DOK6: variants seen among roughly 807,000 people sequenced by gnomAD.
DOK6 encodes docking protein 6.
A neutral mutation model predicts 44.0 loss-of-function variants in DOK6; 22 were observed. The observed-to-expected ratio is 0.50, with a 90% CI of 0.36 to 0.71. The LOEUF (loss-of-function observed/expected upper bound fraction) is 0.71, where lower values mean the gene tolerates loss of function less well. Among genes scored for constraint, DOK6 ranks in the 30% least tolerant of loss-of-function variants. The probability of loss-of-function intolerance (pLI) is 0.00; values close to 1 mark genes in which losing one functional copy is unlikely to be tolerated. For synonymous variants in DOK6, 166 were observed against 145.5 expected, an observed-to-expected ratio of 1.14 and a Z score of -1.01; for missense variants, 340 against 416.4, an observed-to-expected ratio of 0.82 and a Z score of 1.60.
intron 7 of DOK6, among the ~76,000 whole-genome samples, chr18:69,777,006 G>GGGGGAGA (rs1599320021): frequency 8.2e-6 from 1 of 122,494 alleles, no homozygotes; most frequent in South Asian, 3.3e-4. Context: ...TTGTTGGGTG[G>GGGGGAGA]GGGGAGGGAT....
Position 69,739,107 on chromosome 18 carries a change from AG to A in DOK6, c.738+6del. ...AGAAATGGAACAGAAGGCCCGGGTA[AG>A]GCCCCTTCCTTGGTAACCTATCAGC... On this transcript the variant is annotated splice_donor_5th_base_variant and intron_variant, in intron 6 of 7. Coordinates refer to ENST00000382713, the MANE Select transcript of DOK6 (RefSeq NM_152721.6). The A allele has an allele frequency of 1.1e-5, 18 of 1,613,802 alleles. No individual in the cohort carries two copies. Among genetic ancestry groups the A allele is most frequent in the Non-Finnish European group, 1.5e-5 (18 of 1,179,768 alleles).
chr18:69,509,461 C>T (rs899046293), intron 1 of DOK6, among the ~76,000 whole-genome samples: 2 of 151,826 alleles, frequency 1.3e-5, no homozygotes, highest in Non-Finnish European at 2.9e-5. Flanking sequence ...CATGGTGAAA[C>T]CCCGTCTCTA....
At chr18:69,449,568 G>T (rs1979396928) in intron 1 of DOK6, among the ~76,000 whole-genome samples, 1 of 152,198 alleles carries the variant, frequency 6.6e-6, no homozygotes, top group Non-Finnish European at 1.5e-5. Flanking sequence ...GAAGCTCAAG[G>T]AGGCCTGCCT....
At chr18:69,495,694 C>G (rs567812462) in intron 1 of DOK6, among the ~76,000 whole-genome samples, 1 of 152,326 alleles carries the variant, frequency 6.6e-6, no homozygotes, top group South Asian at 2.1e-4. Context: ...TTGGACATCC[C>G]GTTCTGCCCA....
intron 6 of DOK6, among the ~76,000 whole-genome samples, chr18:69,745,312 C>G (rs931205071): frequency 2.6e-5 from 4 of 151,950 alleles, no homozygotes; most frequent in African/African-American, 9.7e-5. Context: ...TGGAACTGAA[C>G]AATATAAAGA....
chr18:69,601,205 C>T (rs919351961), intron 3 of DOK6, among the ~76,000 whole-genome samples: 2 of 152,156 alleles, frequency 1.3e-5, no homozygotes, highest in South Asian at 2.1e-4. Context: ...ATCCTGGTAT[C>T]GCCTGAATGT....
chr18:69,603,358 C>T (rs1568308300), intron 3 of DOK6, among the ~76,000 whole-genome samples: 1 of 152,184 alleles, frequency 6.6e-6, no homozygotes, highest in African/African-American at 2.4e-5. Flanking sequence ...GCCTACCTTA[C>T]AGAGTGCCCT....
At chr18:69,647,095 A>G (rs1454582652) in intron 3 of DOK6, among the ~76,000 whole-genome samples, 1 of 151,356 alleles carries the variant, frequency 6.6e-6, no homozygotes, top group Non-Finnish European at 1.5e-5. Flanking sequence ...CTATCTGTCT[A>G]TCCTATCTGT....
At chr18:69,480,840 T>C (rs1318201967) in intron 1 of DOK6, among the ~76,000 whole-genome samples, 1 of 152,110 alleles carries the variant, frequency 6.6e-6, no homozygotes, top group Non-Finnish European at 1.5e-5. Context: ...GTTTTACTTT[T>C]CGGGCAATGG....
intron 7 of DOK6, among the ~76,000 whole-genome samples, chr18:69,760,627 G>T (rs574275322): frequency 8.6e-5 from 13 of 151,932 alleles, no homozygotes; most frequent in Non-Finnish European, 1.8e-4. Flanking sequence ...TTACTTCCGG[G>T]ATCTTGTATT....
chr18:69,808,401 T>C (rs1981117063), intron 7 of DOK6, among the ~76,000 whole-genome samples: 1 of 149,792 alleles, frequency 6.7e-6, no homozygotes, highest in Non-Finnish European at 1.5e-5. Context: ...AAAATAACCC[T>C]AAAGTTAGCA....
At chr18:69,536,979 C>CATT (rs6146369) in intron 1 of DOK6, among the ~76,000 whole-genome samples, 36,992 of 144,648 alleles carry the variant, frequency 0.26, 5,180 homozygotes, top group East Asian at 0.6. Flanking sequence ...GAAGATTTAT[C>CATT]ATTATTATTA....
chr18:69,693,376 T>C (rs1411068166), intron 4 of DOK6, among the ~76,000 whole-genome samples: 1 of 151,056 alleles, frequency 6.6e-6, no homozygotes, highest in Non-Finnish European at 1.5e-5. Flanking sequence ...TTCTTCTAAC[T>C]AACATACAAA....
intron 1 of DOK6, among the ~76,000 whole-genome samples, chr18:69,412,752 C>T (rs1978311742): frequency 6.6e-6 from 1 of 152,056 alleles, no homozygotes; most frequent in African/African-American, 2.4e-5. Context: ...GAAAGTACTC[C>T]CACATTATGA....
chr18:69,785,480 AC>A (rs763101805), intron 7 of DOK6, among the ~76,000 whole-genome samples: 54 of 152,238 alleles, frequency 3.5e-4, no homozygotes, highest in Non-Finnish European at 6.2e-4. Context: ...TGGTGGTTTA[AC>A]AATAAAAAGG....
chr18:69,639,438 A>G (rs567439530), intron 3 of DOK6, among the ~76,000 whole-genome samples: 17 of 152,322 alleles, frequency 1.1e-4, no homozygotes, highest in African/African-American at 4.1e-4. Flanking sequence ...AGGGCTCCTG[A>G]GGATTTGGCA....
chr18:69,845,096 T>TA lies in DOK6; in HGVS notation c.*3719dup. On this transcript the variant is annotated 3_prime_UTR_variant, in exon 8 of 8. Transcript: ENST00000382713. The stretch of plus-strand genomic sequence containing the variant: ...TTGGCCAGTATCACAGAAAACTTTG[T>TA]AAAAAAGCATGGGGACCCTACTCCC... 1 of 152,276 alleles carries TA rather than the reference T, an allele frequency of 6.6e-6. No individual in the cohort carries two copies. Among genetic ancestry groups the TA allele is most frequent in the East Asian group, 1.9e-4 (1 of 5,190 alleles). The allele number at this position is 152,276 out of a possible 1,614,324, so 9.4% of individuals were successfully genotyped here.
chr18:69,554,213 A>G (rs190933889), intron 1 of DOK6, among the ~76,000 whole-genome samples: 13 of 152,322 alleles, frequency 8.5e-5, no homozygotes, highest in Admixed American at 5.2e-4. Flanking sequence ...CATGCGAATT[A>G]TATCAAGAAA....
At chr18:69,484,741 T>A (rs2144534050) in intron 1 of DOK6, among the ~76,000 whole-genome samples, 1 of 152,276 alleles carries the variant, frequency 6.6e-6, no homozygotes, top group East Asian at 1.9e-4. Context: ...GCTAAGCTTA[T>A]CTCATCATAT....
Sources: allele counts gnomAD v4.1 joint callset (sites outside exome capture counted in the v4.1 genomes callset), GRCh38; gene constraint gnomAD v4.1.1; transcripts MANE v1.5; gene names NCBI Gene and HGNC (gene_info 2026-07-23, HGNC 2026-07-21).